C2CD2L: variants seen among roughly 807,000 people sequenced by gnomAD.
C2CD2L encodes C2CD2 like.
In C2CD2L, 24 loss-of-function variants were observed where a neutral mutation model predicts 69.9. The ratio of observed to expected loss-of-function variants is 0.34; its 90% CI spans 0.25 to 0.48. The LOEUF (loss-of-function observed/expected upper bound fraction) is 0.48, where lower values mean the gene tolerates loss of function less well. C2CD2L is among the 20% of genes least tolerant of loss of function. The pLI is 0.99. For synonymous variants in C2CD2L, 367 were observed against 391.0 expected (o/e 0.94, Z 0.72); for missense variants, 811 against 941.5 (o/e 0.86, Z 1.81).
chr11:119,111,604 G>A lies in C2CD2L; in HGVS notation c.994G>A (p.Val332Met), dbSNP rs1344278249. 1.2e-6 allele frequency: 2 copies of A among 1,613,892 alleles called. No homozygotes were observed. The highest frequency in any genetic ancestry group is 1.6e-4 in the Middle Eastern group (1 of 6,062). The change falls in exon 7 of 14, where the codon GTG becomes ATG. Residue 332 changes from valine (V) to methionine (M), a missense_variant. Coordinates refer to ENST00000648610, the MANE Select transcript of C2CD2L (RefSeq NM_001290474.2). Reference protein sequence around the residue: ...WTKPARAGSEVEWTEDLALDL... With the variant: ...WTKPARAGSEMEWTEDLALDL... ...CAAGCCCGCGAGGGCTGGATCCGAG[G>A]TGGAGTGGACAGAAGACCTGGCACT...
upstream of C2CD2L, among the ~76,000 whole-genome samples, chr11:119,105,701 T>C (rs1946571347): frequency 6.7e-6 from 1 of 149,496 alleles, no homozygotes; most frequent in Non-Finnish European, 1.5e-5. Flanking sequence ...TGTAACTAGG[T>C]AGACTCACAG....
Position 119,111,650 on chromosome 11 carries a change from G to A in C2CD2L, c.1019+21G>A, listed in dbSNP as rs758582011. The A allele has an allele frequency of 7.6e-5, 116 of 1,528,576 alleles. 1 individual carries two copies. In the East Asian group the frequency reaches 1.1e-3, roughly 14 times the overall value. The allele number at this position is 1,528,576 out of a possible 1,614,324, so 94.7% of individuals were successfully genotyped here. On this transcript the variant is annotated intron_variant, in intron 7 of 13. Coordinates refer to ENST00000648610, the MANE Select transcript of C2CD2L (RefSeq NM_001290474.2). The stretch of plus-strand genomic sequence containing the variant: ...GCACTGTAAGGAGTAACCCTGCCCC[G>A]ACCCCATGCTCCAGAGCAGAGAGGA...
At chr11:119,112,164 T>C in intron 7 of C2CD2L, 164 bp from the exon 8 acceptor site, 2 of 642,326 alleles carry the variant, frequency 3.1e-6, no homozygotes, top group Non-Finnish European at 5.4e-6. Flanking sequence ...CCTGTCCCTT[T>C]CTCTTGGGAC....
In C2CD2L at chr11:119,110,672, C is replaced by T; in HGVS notation, c.562C>T (p.Pro188Ser). ...ETYHVTLTLPPTQLEVNLEEI... is the reference protein window; with the variant it reads ...ETYHVTLTLPSTQLEVNLEEI... ...CTACCACGTCACTCTGACACTGCCA[C>T]CAACACAGGTAGAAGGGGATGTGGG... is the stretch of plus-strand genomic sequence containing the variant. The change falls in exon 3 of 14, where the codon CCA becomes TCA. Residue 188 changes from proline to serine, a missense_variant. Transcript: ENST00000648610. This position sits in a 1 kb window ranked among gnomAD's most constrained non-coding sequence, Gnocchi z 5.7. 3 of 1,613,910 alleles carry T rather than the reference C, an allele frequency of 1.9e-6. No individual in the cohort carries two copies. The highest frequency in any genetic ancestry group is 8.5e-7 in the Non-Finnish European group (1 of 1,180,018).
chr11:119,106,590 T>C (rs900400591), upstream of C2CD2L: 1 of 152,138 alleles, frequency 6.6e-6, no homozygotes, highest in Non-Finnish European at 1.5e-5. Flanking sequence ...ATACTTAGAG[T>C]GGCAAGGTCT....
In C2CD2L at chr11:119,114,484, C is replaced by T. The variant is rs772942663; in HGVS notation, c.1909+119C>T. 6.0e-6 allele frequency: 6 copies of T among 1,001,522 alleles called. No individual in the cohort carries two copies. In the East Asian group the frequency reaches 7.5e-5, roughly 12 times the overall value. The allele number at this position is 1,001,522 out of a possible 1,614,324, so 62.0% of individuals were successfully genotyped here. The stretch of plus-strand genomic sequence containing the variant: ...CCCTAAGAGATAGCCGGATTCCCAG[C>T]CTAGTTCAGCCAAGCTAGCCTAGAG... On this transcript the variant is annotated intron_variant, in intron 13 of 13. Transcript: ENST00000648610. The surrounding 1 kb of genome is among the most constrained non-coding windows in gnomAD (Gnocchi z 5.1).
upstream of C2CD2L, chr11:119,106,807 A>G (rs767961939): frequency 3.9e-5 from 6 of 152,300 alleles, no homozygotes; most frequent in Non-Finnish European, 7.3e-5. Context: ...CCAAGCTCCA[A>G]GAGGAAGGAG....
In C2CD2L at chr11:119,107,938, G is replaced by A. The variant is rs1426705728; in HGVS notation, c.197G>A (p.Trp66Ter). The change falls in exon 1 of 14, where the codon TGG (tryptophan) becomes TAG (stop). Residue 66 changes from tryptophan to a stop codon, truncating the protein, a stop_gained. Coordinates refer to ENST00000648610, the MANE Select transcript of C2CD2L (RefSeq NM_001290474.2). LOFTEE classifies it high-confidence loss of function. The surrounding 1 kb of genome is among the most constrained non-coding windows in gnomAD (Gnocchi z 5.4). ...GGTTCCCTGCGGGAGCTGGGCGTGT[G>A]GCGCTCGCTGCTGCGGCTGCGGGCG... ...PAGSLRELGV[W>*]RSLLRLRATR... is the part of the protein sequence containing the mutation. The A allele has an allele frequency of 3.2e-6, 5 of 1,544,236 alleles. No homozygotes were observed. The highest frequency in any genetic ancestry group is 4.3e-6 in the Non-Finnish European group (5 of 1,151,990).
chr11:119,114,473 C>T lies in C2CD2L; in HGVS notation c.1909+108C>T, dbSNP rs796192753. Reference sequence around the variant, plus strand: ...TCTCCTTCCTCCCCTAAGAGATAGCCGGATTCCCAGCCTAGTTCAGCCAAG... The same window carrying T: ...TCTCCTTCCTCCCCTAAGAGATAGCTGGATTCCCAGCCTAGTTCAGCCAAG... On this transcript the variant is annotated intron_variant, in intron 13 of 13. Transcript: ENST00000648610. This position sits in a 1 kb window ranked among gnomAD's most constrained non-coding sequence, Gnocchi z 5.1. The T allele has an allele frequency of 1.6e-4, 184 of 1,162,254 alleles. No individual in the cohort carries two copies. Among genetic ancestry groups the T allele is most frequent in the Middle Eastern group, 1.4e-3 (6 of 4,348 alleles). The allele number at this position is 1,162,254 out of a possible 1,614,324, so 72.0% of individuals were successfully genotyped here.
Position 119,114,174 on chromosome 11 carries a change from C to T in C2CD2L, c.1718C>T (p.Pro573Leu). 3.1e-6 allele frequency: 5 copies of T among 1,614,132 alleles called. No individual in the cohort carries two copies. The highest frequency in any genetic ancestry group is 4.2e-6 in the Non-Finnish European group (5 of 1,180,004). ...GATGATGCAGGGACCAGCGGAGGCC[C>T]CTCTTCACCTCCCTCAGACCCACCA... Reference protein sequence around the residue: ...VQDDAGTSGGPSSPPSDPPAM... With the variant: ...VQDDAGTSGGLSSPPSDPPAM... The change falls in exon 13 of 14, where the codon CCC becomes CTC. Residue 573 changes from proline (P) to leucine (L), a missense_variant. Transcript: ENST00000648610. This position sits in a 1 kb window ranked among gnomAD's most constrained non-coding sequence, Gnocchi z 5.1.
At chr11:119,105,793 A>G (rs145538506), upstream of C2CD2L, among the ~76,000 whole-genome samples, 10 of 152,318 alleles carry the variant, frequency 6.6e-5, no homozygotes, top group Non-Finnish European at 1.2e-4. Context: ...AAATCAAAGA[A>G]GTCAGAGAAT....
At position 119,109,519 on chromosome 11, in the gene C2CD2L, G is replaced by A. The variant is rs1260817094; in HGVS notation, c.355-585G>A. On this transcript the variant is annotated intron_variant, in intron 1 of 13. Coordinates refer to ENST00000648610, the MANE Select transcript of C2CD2L (RefSeq NM_001290474.2). This position sits in a 1 kb window ranked among gnomAD's most constrained non-coding sequence, Gnocchi z 5.1. ...TATCTCTTCCCAGTCCCCCTGGTAC[G>A]GATCCCCAAGGCCATGCTCATCTTC... Among the ~76,000 whole-genome samples, 1 of 152,202 alleles carries A rather than the reference G, an allele frequency of 6.6e-6. No individual in the cohort carries two copies. The highest frequency in any genetic ancestry group is 2.4e-5 in the African/African-American group (1 of 41,506).
In C2CD2L at chr11:119,117,714, C is replaced by T. The variant is rs111274691; in HGVS notation, c.*1458C>T. 6.6e-6 allele frequency: 1 copy of T among 152,318 alleles called. No individual in the cohort carries two copies. The highest frequency in any genetic ancestry group is 1.5e-5 in the Non-Finnish European group (1 of 68,024). The allele number at this position is 152,318 out of a possible 1,614,324, so 9.4% of individuals were successfully genotyped here. ...ATTGATAGATCCTAGCAAACTGTGT[C>T]CCTGGTTCCCGTGCTTGAGATCTTA... On this transcript the variant is annotated 3_prime_UTR_variant, in exon 14 of 14. Transcript: ENST00000648610.
At chr11:119,102,457 C>G, upstream of C2CD2L, 1 of 381,874 alleles carries the variant, frequency 2.6e-6, no homozygotes, top group South Asian at 2.0e-5. Context: ...CTTGAAAAGC[C>G]CCTCCCACTC....
At position 119,112,337 on chromosome 11, in the gene C2CD2L, C is replaced by A; in HGVS notation, c.1029C>A (p.Gly343=). 21 of 1,612,406 alleles carry A rather than the reference C, an allele frequency of 1.3e-5. No individual in the cohort carries two copies. Among genetic ancestry groups the A allele is most frequent in the Non-Finnish European group, 1.8e-5 (21 of 1,179,644 alleles). The change falls in exon 8 of 14, where the codon GGC becomes GGA. Residue 343 remains glycine (G), a synonymous_variant. Transcript: ENST00000648610. ...TCCTCTTGTCCCACAGGGATCTGGG[C>A]CCCCAGAGCCGGGAGCTGACCCTCA... The part of the protein sequence containing the change: ...EWTEDLALDL[G]PQSRELTLKV...
chr11:119,111,459 T>C, intron 6 of C2CD2L, 62 bp from the exon 7 acceptor site: 1 of 1,598,418 alleles, frequency 6.3e-7, no homozygotes, highest in Non-Finnish European at 8.6e-7. Flanking sequence ...GTACAGCCTC[T>C]TTATTCTGCA....
upstream of C2CD2L, among the ~76,000 whole-genome samples, chr11:119,105,473 T>C (rs1374964561): frequency 2.0e-5 from 3 of 152,064 alleles, no homozygotes; most frequent in African/African-American, 4.8e-5. Context: ...ACCCTGTCTC[T>C]ACTAAAAATA....
chr11:119,113,303 G>T, intron 10 of C2CD2L: 1 of 404,790 alleles, frequency 2.5e-6, no homozygotes. Flanking sequence ...TGGCACTTCT[G>T]CCATTATAGG....
chr11:119,111,221 T>C (rs1256105364), intron 5 of C2CD2L, 42 bp from the exon 6 acceptor site: 3 of 1,608,644 alleles, frequency 1.9e-6, no homozygotes, highest in South Asian at 1.1e-5. Flanking sequence ...CCTAGGGTGC[T>C]ATGTCAGGAT....
Sources: allele counts gnomAD v4.1 joint callset (sites outside exome capture counted in the v4.1 genomes callset), GRCh38; gene constraint gnomAD v4.1.1; non-coding constraint Gnocchi (gnomAD v3.1); transcripts MANE v1.5; gene names NCBI Gene and HGNC (gene_info 2026-07-23, HGNC 2026-07-21).